KLHL29: variants seen among roughly 807,000 people sequenced by gnomAD.
KLHL29 encodes the protein kelch-like protein 29.
A neutral mutation model predicts 80.4 loss-of-function variants in KLHL29; 21 were observed. That is an observed-to-expected ratio of 0.26 (90% CI 0.19 to 0.38). KLHL29 has a LOEUF of 0.38. Ranked by LOEUF, KLHL29 falls within the 10% of genes least tolerant of loss-of-function variation. The pLI is 1.00. For synonymous variants in KLHL29, 511 were observed against 526.8 expected (o/e 0.97, Z 0.41); for missense variants, 867 against 1,223.9 (o/e 0.71, Z 4.35).
Position 23,682,918 on chromosome 2 carries a change from G to T in KLHL29, c.941-1481G>T, listed in dbSNP as rs957358284. ...CTTGCCATGGCTCCCAGAGGGCAGG[G>T]CCCCCAACCCCGATCCCTGAACATG... On this transcript the variant is annotated intron_variant, in intron 5 of 13. Transcript: ENST00000486442. This position sits in a 1 kb window ranked among gnomAD's most constrained non-coding sequence, Gnocchi z 4.1. Among the ~76,000 whole-genome samples the T allele has an allele frequency of 6.6e-6, 1 of 152,114 alleles. No individual in the cohort carries two copies. The highest frequency in any genetic ancestry group is 2.4e-5 in the African/African-American group (1 of 41,412).
chr2:23,469,567 G>C (rs538930242), intron 1 of KLHL29, among the ~76,000 whole-genome samples: 8 of 152,280 alleles, frequency 5.3e-5, no homozygotes, highest in Non-Finnish European at 8.8e-5. Flanking sequence ...GGAGGATGGA[G>C]GCCTGTTTAT....
At chr2:23,512,220 T>G (rs1250491401) in intron 2 of KLHL29, among the ~76,000 whole-genome samples, 1 of 151,982 alleles carries the variant, frequency 6.6e-6, no homozygotes, top group African/African-American at 2.4e-5. Flanking sequence ...CCAAGGTGGG[T>G]GGATCACCTG....
At chr2:23,694,311 C>G (rs747643175) in intron 8 of KLHL29, among the ~76,000 whole-genome samples, 1 of 152,216 alleles carries the variant, frequency 6.6e-6, no homozygotes, top group Non-Finnish European at 1.5e-5. Context: ...TCGCTACACG[C>G]GCTCATTCCT....
intron 5 of KLHL29, among the ~76,000 whole-genome samples, chr2:23,677,312 G>C (rs751708278): frequency 6.6e-6 from 1 of 152,222 alleles, no homozygotes; most frequent in Non-Finnish European, 1.5e-5. Flanking sequence ...CAGCAGGCTA[G>C]TGGGTGAGGT....
intron 13 of KLHL29, among the ~76,000 whole-genome samples, chr2:23,705,491 A>T (rs74457396): frequency 6.9e-6 from 1 of 144,452 alleles, no homozygotes; most frequent in Non-Finnish European, 1.5e-5. Flanking sequence ...ACTCCGTCTC[A>T]AAAAAAAAAA....
chr2:23,424,888 G>A (rs1410654587), intron 1 of KLHL29, among the ~76,000 whole-genome samples: 3 of 152,132 alleles, frequency 2.0e-5, no homozygotes, highest in African/African-American at 7.2e-5. Context: ...GAATTCTAAC[G>A]ATCGGGTCAC....
At chr2:23,507,804 C>G (rs549427104) in intron 2 of KLHL29, among the ~76,000 whole-genome samples, 67 of 152,270 alleles carry the variant, frequency 4.4e-4, no homozygotes, top group African/African-American at 1.4e-3. Context: ...GCCTATGTCT[C>G]GGTTGCCCCA....
intron 3 of KLHL29, among the ~76,000 whole-genome samples, chr2:23,611,127 G>A (rs1668861073): frequency 6.6e-6 from 1 of 152,190 alleles, no homozygotes; most frequent in South Asian, 2.1e-4. Flanking sequence ...AAAGCAGGTA[G>A]TGTCTAATAA....
intron 1 of KLHL29, among the ~76,000 whole-genome samples, chr2:23,435,851 C>A (rs955039565): frequency 6.6e-6 from 1 of 151,566 alleles, no homozygotes; most frequent in African/African-American, 2.4e-5. Context: ...TGGCCCCAGG[C>A]TGTTGTGCTT....
rs772929685 is a variant in KLHL29, at chr2:23,695,745, G to A, written c.1665G>A (p.Glu555=). The change falls in exon 9 of 14, where the codon GAG becomes GAA. Residue 555 remains glutamate (E), a synonymous_variant. Transcript: ENST00000486442. This position sits in a 1 kb window ranked among gnomAD's most constrained non-coding sequence, Gnocchi z 7.6. ...AAGCCTGCCGGGACCTGGTGAACGA[G>A]GCCAAACGCTACCATATGCTGCCCC... ...SSEACRDLVN[E]AKRYHMLPHA... 7.1e-6 allele frequency: 11 copies of A among 1,551,464 alleles called. No individual in the cohort carries two copies. The Admixed American group carries it at 9.8e-5, about 14-fold the overall frequency.
intron 3 of KLHL29, among the ~76,000 whole-genome samples, chr2:23,586,780 C>T (rs538400094): frequency 4.6e-5 from 7 of 152,122 alleles, no homozygotes; most frequent in Non-Finnish European, 7.4e-5. Flanking sequence ...CCCTCAGCCT[C>T]GAGAGGGCTG....
rs919303242 is a variant in KLHL29, at chr2:23,680,727, G to C, written c.941-3672G>C. On this transcript the variant is annotated intron_variant, in intron 5 of 13. Coordinates refer to ENST00000486442, the MANE Select transcript of KLHL29 (RefSeq NM_052920.2). This position sits in a 1 kb window ranked among gnomAD's most constrained non-coding sequence, Gnocchi z 4.1. ...GGCCATCTTCCCCTGGGGTCTCTAG[G>C]CCATCTTCCCCTGGGGTCTCTAGGC... Among the ~76,000 whole-genome samples, 1 of 151,686 alleles carries C rather than the reference G, an allele frequency of 6.6e-6. No individual in the cohort carries two copies. Among genetic ancestry groups the C allele is most frequent in the Non-Finnish European group, 1.5e-5 (1 of 67,904 alleles).
At chr2:23,513,439 T>G (rs892427113) in intron 2 of KLHL29, among the ~76,000 whole-genome samples, 6 of 152,194 alleles carry the variant, frequency 3.9e-5, no homozygotes, top group Non-Finnish European at 8.8e-5. Flanking sequence ...AGCCACGCCC[T>G]CTGTCAGGGT....
intron 3 of KLHL29, among the ~76,000 whole-genome samples, chr2:23,565,227 CT>C (rs201116571): frequency 1.3e-5 from 2 of 151,556 alleles, no homozygotes; most frequent in Admixed American, 6.6e-5. Flanking sequence ...TGTTCATGTC[CT>C]TTTTTTTTCT....
At chr2:23,604,683 C>CA (rs1207192641) in intron 3 of KLHL29, among the ~76,000 whole-genome samples, 2 of 152,170 alleles carry the variant, frequency 1.3e-5, no homozygotes, top group Non-Finnish European at 2.9e-5. Context: ...CACTTGGAGT[C>CA]ATTTTAGACC....
Position 23,647,923 on chromosome 2 carries a change from C to T in KLHL29, c.940+5073C>T, listed in dbSNP as rs910879369. Among the ~76,000 whole-genome samples the T allele has an allele frequency of 2.6e-5, 4 of 152,118 alleles. No homozygotes were observed. The highest frequency in any genetic ancestry group is 9.7e-5 in the African/African-American group (4 of 41,402). ...CCCACTCCCCCCTCAGTATCCAAGC[C>T]GGTACCAGCACTCAGAGATGCCCCA... On this transcript the variant is annotated intron_variant, in intron 5 of 13. Coordinates refer to ENST00000486442, the MANE Select transcript of KLHL29 (RefSeq NM_052920.2). This position sits in a 1 kb window ranked among gnomAD's most constrained non-coding sequence, Gnocchi z 4.9.
chr2:23,411,087 G>T (rs1013389029), intron 1 of KLHL29, among the ~76,000 whole-genome samples: 4 of 152,126 alleles, frequency 2.6e-5, no homozygotes, highest in Non-Finnish European at 4.4e-5. Flanking sequence ...CACCTGCTCT[G>T]TGCCAGGCAC....
At chr2:23,652,635 A>G (rs762300853) in intron 5 of KLHL29, among the ~76,000 whole-genome samples, 4 of 152,248 alleles carry the variant, frequency 2.6e-5, no homozygotes, top group Middle Eastern at 3.2e-3. Context: ...AAGGTGGCCC[A>G]GGGAGACGGA....
chr2:23,385,547 C>G lies in KLHL29; in HGVS notation c.-387C>G, dbSNP rs1666151740. 1 of 169,344 alleles carries G rather than the reference C, an allele frequency of 5.9e-6. No individual in the cohort carries two copies. Among genetic ancestry groups the G allele is most frequent in the Admixed American group, 6.6e-5 (1 of 15,262 alleles). 10.5% of individuals were successfully genotyped at this position (169,344 alleles called of 1,614,324 possible). Reference sequence around the variant, plus strand: ...GGACCGACTTCCCTCTCCCGGGCATCCTCCCTGGGCTGCCGGGAGGCGGCG... The same window carrying G: ...GGACCGACTTCCCTCTCCCGGGCATGCTCCCTGGGCTGCCGGGAGGCGGCG... On this transcript the variant is annotated 5_prime_UTR_variant, in exon 1 of 14. The change creates a new upstream start codon in the 5' untranslated region. Coordinates refer to ENST00000486442, the MANE Select transcript of KLHL29 (RefSeq NM_052920.2).
Sources: gnomAD v4.1 joint callset for allele counts (sites outside exome capture counted in the v4.1 genomes callset) on GRCh38, gnomAD v4.1.1 for gene constraint, Gnocchi (gnomAD v3.1) non-coding constraint, MANE v1.5 for transcripts, NCBI Gene and HGNC (gene_info 2026-07-23, HGNC 2026-07-21) for gene names.